EYS: variants seen among roughly 807,000 people sequenced by gnomAD.
The protein encoded by EYS is protein eyes shut homolog.
In EYS, 250 loss-of-function variants were observed where a neutral mutation model predicts 282.1. The observed-to-expected ratio is 0.89, with a 90% CI of 0.80 to 0.98. EYS has a LOEUF of 0.98. Ranked by LOEUF, EYS falls within the 50% of genes least tolerant of loss-of-function variation. EYS has a pLI of 0.00. For synonymous variants in EYS, 1,355 were observed against 1,282.9 expected (o/e 1.06, Z -1.20); for missense variants, 4,016 against 3,709.0 (o/e 1.08, Z -2.15).
At chr6:65,259,942 G>A (rs1378042144) in intron 12 of EYS, among the ~76,000 whole-genome samples, 1 of 152,098 alleles carries the variant, frequency 6.6e-6, no homozygotes, top group Admixed American at 6.6e-5. Flanking sequence ...TGGTTGGAGA[G>A]TAGAATCTCT....
chr6:64,482,692 G>A (rs1661451693), intron 26 of EYS, among the ~76,000 whole-genome samples: 1 of 151,656 alleles, frequency 6.6e-6, no homozygotes, highest in South Asian at 2.1e-4. Context: ...TTATTGATAT[G>A]ACAACACAGA....
intron 12 of EYS, among the ~76,000 whole-genome samples, chr6:65,092,030 T>C (rs1774589341): frequency 6.6e-6 from 1 of 152,140 alleles, no homozygotes; most frequent in Admixed American, 6.6e-5. Flanking sequence ...CTTTTAATAT[T>C]GAAAATAGTA....
At chr6:64,677,090 A>G (rs1190639653) in intron 22 of EYS, among the ~76,000 whole-genome samples, 1 of 152,210 alleles carries the variant, frequency 6.6e-6, no homozygotes, top group Non-Finnish European at 1.5e-5. Context: ...GTTATTAATA[A>G]TCAGAATATT....
chr6:63,757,248 C>G (rs1769512366), intron 41 of EYS, among the ~76,000 whole-genome samples: 1 of 151,956 alleles, frequency 6.6e-6, no homozygotes, highest in African/African-American at 2.4e-5. Flanking sequence ...GCCGCTCTGG[C>G]AGTGTCTGTG....
intron 36 of EYS, among the ~76,000 whole-genome samples, chr6:63,823,686 C>T (rs973092196): frequency 1.3e-5 from 2 of 151,980 alleles, no homozygotes; most frequent in Non-Finnish European, 2.9e-5. Flanking sequence ...ATTTATTTCA[C>T]TTTCATCAAT....
chr6:63,859,220 T>C (rs1162364282), intron 36 of EYS, among the ~76,000 whole-genome samples: 1 of 151,900 alleles, frequency 6.6e-6, no homozygotes, highest in Non-Finnish European at 1.5e-5. Flanking sequence ...AAAAGCATTT[T>C]CTATATGCCC....
intron 36 of EYS, among the ~76,000 whole-genome samples, chr6:63,838,794 A>G (rs917819609): frequency 4.6e-5 from 7 of 152,188 alleles, no homozygotes; most frequent in African/African-American, 1.7e-4. Flanking sequence ...ACATCTTCTC[A>G]GTCTCCCTTT....
intron 30 of EYS, among the ~76,000 whole-genome samples, chr6:64,295,729 CAAA>C (rs74773239): frequency 5.3e-5 from 7 of 132,888 alleles, no homozygotes; most frequent in Admixed American, 2.3e-4. Flanking sequence ...ACTCCGTCTC[CAAA>C]AAAAAAAAAA....
At chr6:63,841,933 A>G (rs967231625) in intron 36 of EYS, among the ~76,000 whole-genome samples, 1 of 152,320 alleles carries the variant, frequency 6.6e-6, no homozygotes, top group Admixed American at 6.5e-5. Flanking sequence ...TGCAAAGGAC[A>G]TGAACTCATT....
intron 5 of EYS, among the ~76,000 whole-genome samples, chr6:65,441,161 C>A (rs527479840): frequency 6.6e-6 from 1 of 150,978 alleles, no homozygotes; most frequent in Non-Finnish European, 1.5e-5. Flanking sequence ...TGCTACAAAC[C>A]ATTTTTATTA....
chr6:64,407,944 G>T (rs1453326714), intron 28 of EYS, among the ~76,000 whole-genome samples: 1 of 152,002 alleles, frequency 6.6e-6, no homozygotes, highest in Admixed American at 6.6e-5. Context: ...TGTTGGCCAG[G>T]CTGGTCTCAA....
intron 13 of EYS, among the ~76,000 whole-genome samples, chr6:65,039,709 T>C (rs1370719148): frequency 6.6e-6 from 1 of 151,748 alleles, no homozygotes; most frequent in East Asian, 1.9e-4. Context: ...GCAGATTTTA[T>C]AAAAAGATAT....
At chr6:64,587,861 C>A (rs775267167) in intron 26 of EYS, among the ~76,000 whole-genome samples, 1 of 151,946 alleles carries the variant, frequency 6.6e-6, no homozygotes, top group Admixed American at 6.6e-5. Flanking sequence ...AACTAAGACT[C>A]CAGAAGCTGA....
At position 64,591,147 on chromosome 6, in the gene EYS, C is replaced by T. The variant is rs1396476429; in HGVS notation, c.4720G>A (p.Val1574Ile). ...IKSSREFSDQ[V>I]LHSKQSHFYE... ...AAGTGGGACTGTTTGCTATGCAAAA[C>T]TTGATCTGAGAATTCACGAGAGGAT... is the stretch of plus-strand genomic sequence containing the variant. The change falls in exon 26 of 43, where the codon GTT becomes ATT. Residue 1574 changes from valine (V) to isoleucine (I), a missense_variant. By Grantham distance (29) the Val-to-Ile change is conservative. Transcript: ENST00000503581. The T allele has an allele frequency of 6.4e-7, 1 of 1,551,310 alleles. No individual in the cohort carries two copies. The highest frequency in any genetic ancestry group is 8.7e-7 in the Non-Finnish European group (1 of 1,146,764).
At chr6:64,401,685 C>T (rs560548125) in intron 28 of EYS, among the ~76,000 whole-genome samples, 1 of 151,966 alleles carries the variant, frequency 6.6e-6, no homozygotes, top group South Asian at 2.1e-4. Flanking sequence ...TATTAAACTG[C>T]AACTACAAAT....
At chr6:64,691,852 T>TAAAAA (rs1302997328) in intron 22 of EYS, among the ~76,000 whole-genome samples, 2 of 152,226 alleles carry the variant, frequency 1.3e-5, no homozygotes, top group African/African-American at 4.8e-5. Flanking sequence ...TATGGTAGCA[T>TAAAAA]AGTATTCCAA....
chr6:64,032,840 G>C (rs1369807955), intron 33 of EYS, among the ~76,000 whole-genome samples: 3 of 152,198 alleles, frequency 2.0e-5, no homozygotes, highest in Non-Finnish European at 4.4e-5. Flanking sequence ...CACCCTTCTA[G>C]CATCTCAATT....
chr6:64,265,810 T>C (rs927728711), intron 30 of EYS, among the ~76,000 whole-genome samples: 12 of 152,132 alleles, frequency 7.9e-5, no homozygotes, highest in African/African-American at 2.2e-4. Flanking sequence ...TCATAGTATG[T>C]ATTTTCCAAA....
At position 65,197,227 on chromosome 6, in the gene EYS, A is replaced by G. The variant is rs376875405; in HGVS notation, c.2023+98636T>C. 1.3e-3 allele frequency among the ~76,000 whole-genome samples: 193 copies of G among 152,238 alleles called. 2 individuals carry two copies. The highest frequency in any genetic ancestry group is 4.4e-3 in the African/African-American group (181 of 41,556). ...AATAACGACGCTAAAATAAATATGTAGAAAGGATATACAGGTTAGTGATAA... is the reference window on the plus strand; with the variant it reads ...AATAACGACGCTAAAATAAATATGTGGAAAGGATATACAGGTTAGTGATAA... On this transcript the variant is annotated intron_variant, in intron 12 of 42. Transcript: ENST00000503581.
Sources: allele counts gnomAD v4.1 joint callset (sites outside exome capture counted in the v4.1 genomes callset), GRCh38; gene constraint gnomAD v4.1.1; transcripts MANE v1.5; gene names NCBI Gene and HGNC (gene_info 2026-07-23, HGNC 2026-07-21).